P4HA1: variants seen among roughly 807,000 people sequenced by gnomAD.
The protein encoded by P4HA1 is prolyl 4-hydroxylase subunit alpha 1.
A neutral mutation model predicts 72.8 loss-of-function variants in P4HA1; 24 were observed. That is an observed-to-expected ratio of 0.33 (90% CI 0.24 to 0.46). The LOEUF is 0.46. Ranked by LOEUF, P4HA1 falls within the 20% of genes least tolerant of loss-of-function variation. The pLI is 1.00. For synonymous variants in P4HA1, 201 were observed against 218.8 expected (o/e 0.92, Z 0.72); for missense variants, 446 against 640.6 (o/e 0.70, Z 3.28).
intron 9 of P4HA1, among the ~76,000 whole-genome samples, chr10:73,036,342 G>C (rs1840575575): frequency 6.6e-6 from 1 of 151,956 alleles, no homozygotes; most frequent in South Asian, 2.1e-4. Flanking sequence ...ACTGATGCAT[G>C]GGAAGTTATT....
intron 8 of P4HA1, among the ~76,000 whole-genome samples, 193 bp from the exon 9 acceptor site, chr10:73,045,244 T>C (rs1294880475): frequency 6.6e-6 from 1 of 151,140 alleles, no homozygotes; most frequent in Non-Finnish European, 1.5e-5. Context: ...TTTTTTTTTC[T>C]TCAATTTTTT....
At chr10:73,075,560 G>A (rs1297338944) in intron 1 of P4HA1, among the ~76,000 whole-genome samples, 1 of 151,946 alleles carries the variant, frequency 6.6e-6, no homozygotes, top group East Asian at 1.9e-4. Flanking sequence ...CTGTGATTTA[G>A]ACCTATCCTA....
rs535699419 is a variant in P4HA1 at position 73,020,178 on chromosome 10, C to A, written c.1249-3279G>T. On this transcript the variant is annotated intron_variant, in intron 10 of 14. Transcript: ENST00000394890. ...AGCTAGATTAACAAAGAAAAAAGAT[C>A]CAAATAAGCACAATCAGAAATAACA... 3.3e-5 allele frequency among the ~76,000 whole-genome samples: 5 copies of A among 151,988 alleles called. No individual in the cohort carries two copies. In the South Asian group the frequency reaches 1.0e-3, roughly 32 times the overall value.
At chr10:73,079,915 T>C (rs903251305) in intron 1 of P4HA1, among the ~76,000 whole-genome samples, 1 of 152,158 alleles carries the variant, frequency 6.6e-6, no homozygotes, top group East Asian at 1.9e-4. Flanking sequence ...TCATTCTCAT[T>C]AACATAACGG....
At chr10:73,076,235 T>G (rs1316193652) in intron 1 of P4HA1, among the ~76,000 whole-genome samples, 4 of 152,144 alleles carry the variant, frequency 2.6e-5, no homozygotes, top group Non-Finnish European at 5.9e-5. Flanking sequence ...TTGACTTAGT[T>G]TGTTTTTTTA....
At chr10:73,026,845 A>T (rs1466727846) in intron 10 of P4HA1, among the ~76,000 whole-genome samples, 1 of 152,270 alleles carries the variant, frequency 6.6e-6, no homozygotes, top group Non-Finnish European at 1.5e-5. Context: ...GCACATGAAA[A>T]AATGCTCATC....
chr10:73,065,141 A>G (rs1841390292), intron 5 of P4HA1: 1 of 152,188 alleles, frequency 6.6e-6, no homozygotes, highest in Non-Finnish European at 1.5e-5. Context: ...AGTGACCAGA[A>G]GGGTGAACAT....
At position 73,047,062 on chromosome 10, in the gene P4HA1, C is replaced by A. The variant is rs1840882115; in HGVS notation, c.940G>T (p.Asp314Tyr). The change falls in exon 8 of 15, where the codon GAT (aspartate) becomes TAT (tyrosine). Residue 314 changes from aspartate (D) to tyrosine (Y), a missense_variant. Transcript: ENST00000394890. ...ATAAATTTAGGATTACGGTTTCCAT[C>A]ATGGTAGCGGCAAAAGAGTTTTTTC... ...RQKKLFCRYHDGNRNPKFILA... is the reference protein window; with the variant it reads ...RQKKLFCRYHYGNRNPKFILA... 6.2e-7 allele frequency: 1 copy of A among 1,613,694 alleles called. No individual in the cohort carries two copies. The highest frequency in any genetic ancestry group is 1.1e-5 in the South Asian group (1 of 91,078).
At chr10:73,013,636 G>C (rs1441020824) in intron 12 of P4HA1, among the ~76,000 whole-genome samples, 2 of 152,008 alleles carry the variant, frequency 1.3e-5, no homozygotes, top group Non-Finnish European at 2.9e-5. Flanking sequence ...GGGGTAACTA[G>C]AACAAACACT....
At chr10:73,072,003 T>C in intron 4 of P4HA1, 26 bp downstream of exon 4, 1 of 1,558,992 alleles carries the variant, frequency 6.4e-7, no homozygotes, top group Non-Finnish European at 8.8e-7. Flanking sequence ...CAATATTACC[T>C]TACTCAGGAA....
chr10:73,037,544 TATATATATATATATATATATATATATA>T (rs1213006880), intron 9 of P4HA1, among the ~76,000 whole-genome samples: 11 of 24,582 alleles, frequency 4.5e-4, no homozygotes, highest in East Asian at 1.4e-3. Context: ...TATATATATA[TATATATATATATATATATATATATATA>T]TTTTTTTTTT....
At chr10:73,030,226 T>C (rs778502946) in intron 10 of P4HA1, 45 bp downstream of exon 10, 2 of 940,270 alleles carry the variant, frequency 2.1e-6, no homozygotes, top group Non-Finnish European at 1.6e-6. Flanking sequence ...CTCTCAAGCA[T>C]CTCCTGAAGT....
intron 9 of P4HA1, among the ~76,000 whole-genome samples, chr10:73,036,390 A>G (rs982189847): frequency 6.6e-6 from 1 of 151,894 alleles, no homozygotes; most frequent in Non-Finnish European, 1.5e-5. Flanking sequence ...CCCCTCCAAA[A>G]TATAGTAACA....
chr10:73,087,268 A>AT (rs370759559), intron 1 of P4HA1, among the ~76,000 whole-genome samples: 7,068 of 130,772 alleles, frequency 0.054, 281 homozygotes, highest in Non-Finnish European at 0.086. Context: ...TAATGCCTTT[A>AT]TTTTTTTTTT....
At chr10:73,064,247 G>C (rs368593469) in intron 5 of P4HA1, among the ~76,000 whole-genome samples, 28 of 152,086 alleles carry the variant, frequency 1.8e-4, no homozygotes, top group African/African-American at 6.0e-4. Flanking sequence ...GGTGCGGGGG[G>C]GTGGATTGCT....
intron 10 of P4HA1, among the ~76,000 whole-genome samples, chr10:73,024,173 A>G (rs1259907350): frequency 1.3e-5 from 2 of 152,192 alleles, no homozygotes; most frequent in African/African-American, 4.8e-5. Context: ...GTCCACCCCA[A>G]ATCAACAGAA....
At position 73,033,701 on chromosome 10, in the gene P4HA1, T is replaced by C. The variant is rs571407071; in HGVS notation, c.1149-3331A>G. Among the ~76,000 whole-genome samples the C allele has an allele frequency of 1.8e-4, 27 of 152,346 alleles. No individual in the cohort carries two copies. The South Asian group carries it at 4.8e-3, about 27-fold the overall frequency. ...CATGCAAAGAAAGAAGCTGGACCTCTGCTTCACATTATATTAAAACGAATT... is the reference window on the plus strand; with the variant it reads ...CATGCAAAGAAAGAAGCTGGACCTCCGCTTCACATTATATTAAAACGAATT... On this transcript the variant is annotated intron_variant, in intron 9 of 14. Coordinates refer to ENST00000394890, the MANE Select transcript of P4HA1 (RefSeq NM_001017962.3).
chr10:73,073,467 C>A (rs1189357097), intron 3 of P4HA1, among the ~76,000 whole-genome samples: 3 of 151,998 alleles, frequency 2.0e-5, no homozygotes, highest in African/African-American at 7.2e-5. Context: ...GTGATCCACC[C>A]TCCTCGGCCT....
chr10:73,020,419 A>G (rs548002721), intron 10 of P4HA1, among the ~76,000 whole-genome samples: 55 of 152,182 alleles, frequency 3.6e-4, no homozygotes, highest in African/African-American at 1.3e-3. Context: ...TTAAAAACAA[A>G]AAAACAAAAA....
Sources: allele counts gnomAD v4.1 joint callset (sites outside exome capture counted in the v4.1 genomes callset), GRCh38; gene constraint gnomAD v4.1.1; transcripts MANE v1.5; gene names NCBI Gene and HGNC (gene_info 2026-07-23, HGNC 2026-07-21).